The following LINGO2 variants were observed in gnomAD, a reference collection of about 807,000 sequenced individuals.
The protein encoded by LINGO2 is leucine rich repeat and Ig domain containing 2.
LINGO2 carries 14 observed loss-of-function variants against 30.6 expected under a neutral mutation model. The observed-to-expected ratio is 0.46, with a 90% CI of 0.30 to 0.72. The LOEUF (loss-of-function observed/expected upper bound fraction) is 0.72. Ranked by LOEUF, LINGO2 falls within the 30% of genes least tolerant of loss-of-function variation. The pLI is 0.07. For missense variants in LINGO2, 729 were observed against 751.7 expected, an observed-to-expected ratio of 0.97 and a Z score of 0.35; for synonymous variants, 317 against 288.5, an observed-to-expected ratio of 1.10 and a Z score of -1.00.
intron 5 of LINGO2, among the ~76,000 whole-genome samples, chr9:27,972,478 A>G (rs1202877867): frequency 6.6e-6 from 1 of 152,116 alleles, no homozygotes; most frequent in Non-Finnish European, 1.5e-5. Context: ...AAATCCTCCA[A>G]CAACCTCAGT....
chr9:28,512,640 CACAT>C (rs748343635), intron 1 of LINGO2, among the ~76,000 whole-genome samples: 5,233 of 75,616 alleles, frequency 0.069, 212 homozygotes, highest in Non-Finnish European at 0.084. Context: ...TATATATACA[CACAT>C]ACATACACAC....
intron 2 of LINGO2, among the ~76,000 whole-genome samples, chr9:28,443,007 G>A (rs972564687): frequency 6.6e-6 from 1 of 151,974 alleles, no homozygotes; most frequent in Non-Finnish European, 1.5e-5. Context: ...ACTTTTAAAA[G>A]TGAGGTTGTA....
At chr9:28,985,089 G>C in the LINGO2 span, among the ~76,000 whole-genome samples, 3 of 152,028 alleles carry the variant, frequency 2.0e-5, no homozygotes, top group African/African-American at 7.2e-5. Flanking sequence ...GACTGTTTTA[G>C]ATTCCACATA....
the LINGO2 span, among the ~76,000 whole-genome samples, chr9:28,846,642 T>A: frequency 6.5e-3 from 955 of 147,582 alleles, 127 homozygotes; most frequent in African/African-American, 0.023. Context: ...CCACCTTTGT[T>A]CTTATTTCCT....
intron 2 of LINGO2, among the ~76,000 whole-genome samples, chr9:28,388,155 A>T (rs1821672760): frequency 6.6e-6 from 1 of 152,158 alleles, no homozygotes; most frequent in South Asian, 2.1e-4. Context: ...CCTACTTTGC[A>T]TGTTTTTAAA....
the LINGO2 span, among the ~76,000 whole-genome samples, chr9:29,213,366 G>T: frequency 1.3e-5 from 2 of 152,172 alleles, no homozygotes; most frequent in Non-Finnish European, 2.9e-5. Context: ...GCGGAAAGGT[G>T]TAAGAAGAGC....
the LINGO2 span, among the ~76,000 whole-genome samples, chr9:29,004,971 G>A: frequency 6.6e-6 from 1 of 151,890 alleles, no homozygotes; most frequent in Non-Finnish European, 1.5e-5. Context: ...CATTAAATGA[G>A]TTAATATAGC....
chr9:28,632,065 G>T (rs1826967579), intron 1 of LINGO2, among the ~76,000 whole-genome samples: 1 of 152,104 alleles, frequency 6.6e-6, no homozygotes, highest in Non-Finnish European at 1.5e-5. Context: ...GCAGAAAATG[G>T]CTATCTTTAG....
chr9:29,049,806 G>C, the LINGO2 span, among the ~76,000 whole-genome samples: 9 of 152,114 alleles, frequency 5.9e-5, no homozygotes, highest in African/African-American at 1.9e-4. Flanking sequence ...CAGAAGAACA[G>C]TAGGGGCTGG....
chr9:29,065,298 G>T, the LINGO2 span, among the ~76,000 whole-genome samples: 35 of 152,128 alleles, frequency 2.3e-4, no homozygotes, highest in South Asian at 6.0e-3. Context: ...GTCAATTTTT[G>T]TTTTTGTTGC....
chr9:28,009,437 C>G (rs1321077461), intron 5 of LINGO2, among the ~76,000 whole-genome samples: 4 of 150,586 alleles, frequency 2.7e-5, no homozygotes, highest in African/African-American at 9.7e-5. Context: ...AATAGACAAC[C>G]CACAGAATGC....
chr9:29,129,463 T>C, the LINGO2 span, among the ~76,000 whole-genome samples: 1 of 152,082 alleles, frequency 6.6e-6, no homozygotes, highest in African/African-American at 2.4e-5. Context: ...CGTTATGATA[T>C]GGGGAAATAT....
chr9:28,657,182 A>AAT (rs899740739), intron 1 of LINGO2, among the ~76,000 whole-genome samples: 6 of 152,070 alleles, frequency 3.9e-5, no homozygotes, highest in South Asian at 2.1e-4. Flanking sequence ...TAATTTTGGT[A>AAT]ATATATATAT....
At chr9:28,274,132 T>G in intron 4 of LINGO2, among the ~76,000 whole-genome samples, 1 of 152,310 alleles carries the variant, frequency 6.6e-6, no homozygotes, top group Middle Eastern at 3.4e-3. Context: ...ATTTTTTGAA[T>G]AATTGCTACT....
the LINGO2 span, among the ~76,000 whole-genome samples, chr9:28,985,305 G>C: frequency 6.6e-6 from 1 of 152,074 alleles, no homozygotes; most frequent in Non-Finnish European, 1.5e-5. Context: ...TATCTTGGCT[G>C]TCAATAGCGC....
intron 1 of LINGO2, among the ~76,000 whole-genome samples, chr9:28,633,500 A>C (rs892909283): frequency 5.9e-5 from 9 of 152,214 alleles, no homozygotes; most frequent in African/African-American, 2.2e-4. Flanking sequence ...TTAATAATTA[A>C]AGAAATTAGG....
chr9:28,104,519 A>G (rs879591705), intron 4 of LINGO2, among the ~76,000 whole-genome samples: 2 of 151,770 alleles, frequency 1.3e-5, no homozygotes, highest in Non-Finnish European at 2.9e-5. Flanking sequence ...AGACCTCCCA[A>G]TATAGAGCAC....
intron 5 of LINGO2, among the ~76,000 whole-genome samples, chr9:27,953,235 T>C (rs1363610380): frequency 1.3e-5 from 2 of 152,200 alleles, no homozygotes; most frequent in African/African-American, 2.4e-5. Flanking sequence ...ATAGTAGATT[T>C]AAATATATCT....
chr9:27,965,050 T>C (rs1334344100), intron 5 of LINGO2, among the ~76,000 whole-genome samples: 3 of 152,126 alleles, frequency 2.0e-5, no homozygotes, highest in Non-Finnish European at 4.4e-5. Flanking sequence ...TAGCCTAATA[T>C]TTGTTTTCTA....
Sources: gnomAD v4.1 joint callset for allele counts (sites outside exome capture counted in the v4.1 genomes callset) on GRCh38, gnomAD v4.1.1 for gene constraint, MANE v1.5 for transcripts, NCBI Gene and HGNC (gene_info 2026-07-23, HGNC 2026-07-21) for gene names.